The following PARD3B variants were observed in gnomAD, a reference collection of about 807,000 sequenced individuals.
The protein encoded by PARD3B is partitioning defective 3 homolog B.
PARD3B carries 103 observed loss-of-function variants against 130.2 expected under a neutral mutation model. That is an observed-to-expected ratio of 0.79 (90% confidence interval 0.67 to 0.93). The LOEUF is 0.93. Among genes scored for constraint, PARD3B ranks in the 40% least tolerant of loss-of-function variants. The pLI is 0.00. For synonymous variants in PARD3B, 583 were observed against 553.2 expected, an observed-to-expected ratio of 1.05 and a Z score of -0.76; for missense variants, 1,609 against 1,499.2, an observed-to-expected ratio of 1.07 and a Z score of -1.21.
At chr2:205,027,427 G>C (rs1042428573) in intron 3 of PARD3B, among the ~76,000 whole-genome samples, 2 of 151,872 alleles carry the variant, frequency 1.3e-5, no homozygotes, top group Non-Finnish European at 2.9e-5. Context: ...TTTTGATATT[G>C]AGCTGCTTGA....
chr2:205,496,770 G>A (rs945307851), intron 20 of PARD3B, among the ~76,000 whole-genome samples: 3 of 151,556 alleles, frequency 2.0e-5, no homozygotes, highest in Non-Finnish European at 2.9e-5. Flanking sequence ...CACCACAAAT[G>A]GAAGAAAAGT....
At chr2:204,639,570 A>G (rs1218726815) in intron 1 of PARD3B, among the ~76,000 whole-genome samples, 1 of 152,200 alleles carries the variant, frequency 6.6e-6, no homozygotes, top group Non-Finnish European at 1.5e-5. Context: ...GCAATAGAGT[A>G]TAACAACTGT....
intron 18 of PARD3B, among the ~76,000 whole-genome samples, chr2:205,358,583 T>C (rs2044279373): frequency 6.6e-6 from 1 of 152,220 alleles, no homozygotes; most frequent in East Asian, 1.9e-4. Flanking sequence ...TTCTTTTCCT[T>C]CACTCTAAAC....
At chr2:205,290,182 T>A (rs2041553411) in intron 16 of PARD3B, among the ~76,000 whole-genome samples, 1 of 152,234 alleles carries the variant, frequency 6.6e-6, no homozygotes, top group Non-Finnish European at 1.5e-5. Flanking sequence ...ACGAACAATT[T>A]ATTTTCTAAA....
At chr2:204,989,237 T>C (rs1049297598) in intron 3 of PARD3B, among the ~76,000 whole-genome samples, 2 of 152,022 alleles carry the variant, frequency 1.3e-5, no homozygotes, top group African/African-American at 4.8e-5. Flanking sequence ...GGAAAGAATA[T>C]TTCTAGGATT....
rs1389668021 is a variant in PARD3B, at chr2:205,564,572, A to G, written c.3260+11169A>G. On this transcript the variant is annotated intron_variant, in intron 22 of 22. Coordinates refer to ENST00000406610, the MANE Select transcript of PARD3B (RefSeq NM_001302769.2). This position sits in a 1 kb window ranked among gnomAD's most constrained non-coding sequence, Gnocchi z 4.6. ...GGTTCTTTCACAGTGTAGTTCTGGC[A>G]CATCCTTAGGGGACATGGCTGAGAC... is the stretch of plus-strand genomic sequence containing the variant. Among the ~76,000 whole-genome samples the G allele has an allele frequency of 6.6e-6, 1 of 152,158 alleles. No homozygotes were observed. Among genetic ancestry groups the G allele is most frequent in the Non-Finnish European group, 1.5e-5 (1 of 68,028 alleles).
At chr2:205,259,257 T>G (rs1000735995) in intron 16 of PARD3B, among the ~76,000 whole-genome samples, 1 of 152,184 alleles carries the variant, frequency 6.6e-6, no homozygotes, top group Non-Finnish European at 1.5e-5. Flanking sequence ...TTCCTTCTTC[T>G]GAAGTATGCC....
At chr2:205,404,729 GGT>G (rs988552149) in intron 19 of PARD3B, among the ~76,000 whole-genome samples, 10 of 151,918 alleles carry the variant, frequency 6.6e-5, no homozygotes, top group African/African-American at 9.7e-5. Flanking sequence ...TGTACAGACT[GGT>G]CTCTAATTCC....
chr2:205,133,029 G>C (rs1222920888), intron 10 of PARD3B, among the ~76,000 whole-genome samples: 1 of 152,038 alleles, frequency 6.6e-6, no homozygotes, highest in Non-Finnish European at 1.5e-5. Flanking sequence ...TCTGCATTCA[G>C]TATATTATTA....
At chr2:204,658,390 A>C (rs1384725653) in intron 1 of PARD3B, among the ~76,000 whole-genome samples, 2 of 152,190 alleles carry the variant, frequency 1.3e-5, no homozygotes, top group South Asian at 2.1e-4. Flanking sequence ...AAAAAAATAC[A>C]AAAGGATTAT....
chr2:204,762,026 C>A (rs1461528389), intron 2 of PARD3B, among the ~76,000 whole-genome samples: 1 of 151,360 alleles, frequency 6.6e-6, no homozygotes, highest in Non-Finnish European at 1.5e-5. Flanking sequence ...CTCTTCTTGC[C>A]ATTGAGCCCA....
rs933998140 is a variant in PARD3B at position 205,087,054 on chromosome 2, C to T, written c.505-17372C>T. ...GTGTGTTTAACAGTTCATATTAAGG[C>T]AATTGCTGTCAAAATTAATTAAGCA... On this transcript the variant is annotated intron_variant, in intron 4 of 22. Transcript: ENST00000406610. Among the ~76,000 whole-genome samples, 2 of 152,156 alleles carry T rather than the reference C, an allele frequency of 1.3e-5. 1 individual carries two copies. The highest frequency in any genetic ancestry group is 1.3e-4 in the Admixed American group (2 of 15,272).
intron 3 of PARD3B, among the ~76,000 whole-genome samples, chr2:204,995,485 C>G (rs1460743851): frequency 6.7e-6 from 1 of 149,564 alleles, no homozygotes; most frequent in Non-Finnish European, 1.5e-5. Flanking sequence ...TGAGGGTAAC[C>G]CGACCTTTCT....
In PARD3B at chr2:205,020,075, T is replaced by C. The variant is rs143080618; in HGVS notation, c.395-27506T>C. Among the ~76,000 whole-genome samples, 9 of 152,248 alleles carry C rather than the reference T, an allele frequency of 5.9e-5. No homozygotes were observed. The East Asian group carries it at 1.6e-3, about 26-fold the overall frequency. ...GGGATATTCACTCTTACTCCCCACCTATATCCCAACCCTACAGTCCACGGT... is the reference window on the plus strand; with the variant it reads ...GGGATATTCACTCTTACTCCCCACCCATATCCCAACCCTACAGTCCACGGT... On this transcript the variant is annotated intron_variant, in intron 3 of 22. Coordinates refer to ENST00000406610, the MANE Select transcript of PARD3B (RefSeq NM_001302769.2).
At position 204,680,762 on chromosome 2, in the gene PARD3B, G is replaced by A. The variant is rs565268198; in HGVS notation, c.121-5419G>A. 2.0e-5 allele frequency among the ~76,000 whole-genome samples: 3 copies of A among 152,000 alleles called. No homozygotes were observed. The East Asian group carries it at 5.8e-4, about 29-fold the overall frequency. On this transcript the variant is annotated intron_variant, in intron 1 of 22. Coordinates refer to ENST00000406610, the MANE Select transcript of PARD3B (RefSeq NM_001302769.2). The stretch of plus-strand genomic sequence containing the variant: ...TTTCATCTATGGATTTTTCAGTACT[G>A]TATTTCCTAATTTCCAAACAGCTGG...
chr2:205,219,828 A>G (rs7595411), intron 15 of PARD3B, among the ~76,000 whole-genome samples: 2,108 of 152,316 alleles, frequency 0.014, 20 homozygotes, highest in Middle Eastern at 0.027. Context: ...TCACCCAGCC[A>G]GGAAATCTCA....
At position 205,094,832 on chromosome 2, in the gene PARD3B, T is replaced by A. The variant is rs907069456; in HGVS notation, c.505-9594T>A. Among the ~76,000 whole-genome samples, 23 of 152,176 alleles carry A rather than the reference T, an allele frequency of 1.5e-4. 1 individual carries two copies. The highest frequency in any genetic ancestry group is 5.1e-4 in the African/African-American group (21 of 41,440). Reference sequence around the variant, plus strand: ...TATGGGATATTTACTAGAGCCAAATTTGATTGAGATGTATTTCAGCCAGCA... The same window carrying A: ...TATGGGATATTTACTAGAGCCAAATATGATTGAGATGTATTTCAGCCAGCA... On this transcript the variant is annotated intron_variant, in intron 4 of 22. Transcript: ENST00000406610.
At chr2:205,425,010 A>G (rs2047094944) in intron 19 of PARD3B, among the ~76,000 whole-genome samples, 1 of 152,212 alleles carries the variant, frequency 6.6e-6, no homozygotes, top group Admixed American at 6.5e-5. Flanking sequence ...ACAAGTTACA[A>G]ATTTTATCCA....
chr2:204,977,798 C>A (rs548353571), intron 3 of PARD3B, among the ~76,000 whole-genome samples: 1 of 115,222 alleles, frequency 8.7e-6, no homozygotes, highest in Non-Finnish European at 1.6e-5. Context: ...GGTGACAGAG[C>A]GAGACTCCGG....
Sources: allele counts gnomAD v4.1 joint callset (sites outside exome capture counted in the v4.1 genomes callset), GRCh38; gene constraint gnomAD v4.1.1; non-coding constraint Gnocchi (gnomAD v3.1); transcripts MANE v1.5; gene names NCBI Gene and HGNC (gene_info 2026-07-23, HGNC 2026-07-21).